Variants in MIPOL1 observed in about 807,000 individuals in gnomAD.
The protein encoded by MIPOL1 is mirror-image polydactyly 1.
MIPOL1 carries 57 observed loss-of-function variants against 60.9 expected under a neutral mutation model. The ratio of observed to expected loss-of-function variants is 0.94; its 90% CI spans 0.76 to 1.17. The LOEUF is 1.17. MIPOL1 is among the 50% of genes most tolerant of loss of function. The pLI is 0.00. For missense variants in MIPOL1, 551 were observed against 511.6 expected (o/e 1.08, Z -0.74); for synonymous variants, 179 against 168.8 (o/e 1.06, Z -0.47).
chr14:37,512,741 A>C (rs2095338646), intron 12 of MIPOL1, among the ~76,000 whole-genome samples: 1 of 152,130 alleles, frequency 6.6e-6, no homozygotes, highest in Non-Finnish European at 1.5e-5. Flanking sequence ...TCCAAACAAT[A>C]TAAGTACTTG....
At chr14:37,489,274 C>T (rs2095005689) in intron 11 of MIPOL1, among the ~76,000 whole-genome samples, 1 of 152,120 alleles carries the variant, frequency 6.6e-6, no homozygotes, top group Non-Finnish European at 1.5e-5. Context: ...GTGTATGTAT[C>T]ACGTGCTGTG....
chr14:37,270,639 T>TA, intron 6 of MIPOL1, 114 bp downstream of exon 6: 1 of 292,818 alleles, frequency 3.4e-6, no homozygotes, highest in East Asian at 5.5e-5. Flanking sequence ...GGGGAAGCTC[T>TA]CCTTTTTTTT....
intron 11 of MIPOL1, among the ~76,000 whole-genome samples, chr14:37,457,482 A>G (rs527387088): frequency 6.6e-6 from 1 of 152,290 alleles, no homozygotes; most frequent in South Asian, 2.1e-4. Context: ...AGATGAGGAC[A>G]CTATCCTTTC....
chr14:37,355,265 C>T (rs2091718887), intron 9 of MIPOL1, among the ~76,000 whole-genome samples: 1 of 135,070 alleles, frequency 7.4e-6, no homozygotes. Flanking sequence ...AGGGTTTCTG[C>T]TGAGAGATCT....
At chr14:37,410,177 A>C (rs1180291490) in intron 10 of MIPOL1, among the ~76,000 whole-genome samples, 2 of 152,168 alleles carry the variant, frequency 1.3e-5, no homozygotes, top group Non-Finnish European at 2.9e-5. Context: ...CAACAATTAG[A>C]CTTGAAGATG....
chr14:37,421,858 A>G (rs2093878398), intron 10 of MIPOL1, among the ~76,000 whole-genome samples: 1 of 147,980 alleles, frequency 6.8e-6, no homozygotes, highest in East Asian at 1.9e-4. Flanking sequence ...AAATAATTCC[A>G]TTGAAATTAT....
chr14:37,379,071 G>A (rs2092854746), intron 10 of MIPOL1, among the ~76,000 whole-genome samples: 2 of 151,986 alleles, frequency 1.3e-5, no homozygotes, highest in Non-Finnish European at 2.9e-5. Flanking sequence ...CTACTACAAA[G>A]CTACAGTAAT....
chr14:37,448,517 T>A (rs974332498), intron 11 of MIPOL1, among the ~76,000 whole-genome samples: 11 of 152,332 alleles, frequency 7.2e-5, no homozygotes, highest in African/African-American at 1.7e-4. Flanking sequence ...ATTTATTGAC[T>A]TTTTTCTTCT....
In MIPOL1 at chr14:37,295,868, C is replaced by A. The variant is rs558486217; in HGVS notation, c.623+10421C>A. Among the ~76,000 whole-genome samples the A allele has an allele frequency of 4.4e-4, 67 of 152,180 alleles. 1 individual carries two copies. The highest frequency in any genetic ancestry group is 2.1e-3 in the South Asian group (10 of 4,826). ...ACAGTAATCATGGGAGACTTTAACA[C>A]CCCACTGTCAACATTAGACAGATCA... On this transcript the variant is annotated intron_variant, in intron 7 of 12. Transcript: ENST00000684589.
At chr14:37,302,127 C>G (rs990598898) in intron 7 of MIPOL1, among the ~76,000 whole-genome samples, 5 of 147,338 alleles carry the variant, frequency 3.4e-5, no homozygotes, top group Non-Finnish European at 7.5e-5. Flanking sequence ...AGTAGCAATA[C>G]TGCTGAATCA....
At chr14:37,496,916 A>G (rs1271847386) in intron 11 of MIPOL1, among the ~76,000 whole-genome samples, 1 of 151,432 alleles carries the variant, frequency 6.6e-6, no homozygotes, top group African/African-American at 2.4e-5. Context: ...ACAAGGCTAC[A>G]GTAACCAAAA....
At chr14:37,522,153 C>T (rs908340938) in intron 12 of MIPOL1, among the ~76,000 whole-genome samples, 8 of 151,612 alleles carry the variant, frequency 5.3e-5, no homozygotes, top group African/African-American at 1.7e-4. Context: ...CAAAACACAC[C>T]CCACAAATAC....
chr14:37,317,667 T>C (rs974777387), intron 9 of MIPOL1, among the ~76,000 whole-genome samples: 4 of 152,118 alleles, frequency 2.6e-5, no homozygotes, highest in African/African-American at 9.7e-5. Flanking sequence ...GGTAAGTCCA[T>C]GTATTAGAAT....
intron 12 of MIPOL1, among the ~76,000 whole-genome samples, chr14:37,524,501 A>G (rs550428363): frequency 6.6e-6 from 1 of 152,062 alleles, no homozygotes; most frequent in South Asian, 2.1e-4. Flanking sequence ...AGTAGTATGT[A>G]AATTTCAGTA....
At chr14:37,447,334 A>G (rs2094353037) in intron 11 of MIPOL1, among the ~76,000 whole-genome samples, 2 of 152,058 alleles carry the variant, frequency 1.3e-5, no homozygotes, top group African/African-American at 4.8e-5. Flanking sequence ...TATCTGGCTG[A>G]TAGTAGGTGC....
intron 9 of MIPOL1, among the ~76,000 whole-genome samples, chr14:37,367,129 C>A (rs910423515): frequency 1.3e-5 from 2 of 151,896 alleles, no homozygotes; most frequent in African/African-American, 4.8e-5. Context: ...TATAGAGTGA[C>A]AGTAATTAAT....
chr14:37,514,547 T>G (rs1052022343), intron 12 of MIPOL1, among the ~76,000 whole-genome samples: 1 of 152,162 alleles, frequency 6.6e-6, no homozygotes, highest in Non-Finnish European at 1.5e-5. Context: ...ACTCAAAACT[T>G]TCCCCTTTGT....
Position 37,268,614 on chromosome 14 carries a change from T to C in MIPOL1, c.252-44T>C, listed in dbSNP as rs142430771. ...AGTAGCATACAAAATGTCAAAAAAT[T>C]AGTTTATCTTACTCTGAAATGTTAA... On this transcript the variant is annotated intron_variant, in intron 4 of 12. Coordinates refer to ENST00000684589, the MANE Select transcript of MIPOL1 (RefSeq NM_001388067.1). The C allele has an allele frequency of 1.1e-4, 154 of 1,460,010 alleles. No homozygotes were observed. The African/African-American group carries it at 2.1e-3, about 20-fold the overall frequency. 90.4% of individuals were successfully genotyped at this position (1,460,010 alleles called of 1,614,324 possible).
At chr14:37,489,037 C>T (rs139753080) in intron 11 of MIPOL1, among the ~76,000 whole-genome samples, 2 of 152,288 alleles carry the variant, frequency 1.3e-5, no homozygotes, top group East Asian at 3.9e-4. Context: ...GAGTGTTTTC[C>T]AACTGAGTTC....
Sources: gnomAD v4.1 joint callset for allele counts (sites outside exome capture counted in the v4.1 genomes callset) on GRCh38, gnomAD v4.1.1 for gene constraint, MANE v1.5 for transcripts, NCBI Gene and HGNC (gene_info 2026-07-23, HGNC 2026-07-21) for gene names.